ADORA1: variants seen among roughly 807,000 people sequenced by gnomAD.
The protein encoded by ADORA1 is adenosine A1 receptor.
In ADORA1, 6 loss-of-function variants were observed where a neutral mutation model predicts 19.9. The observed-to-expected ratio is 0.30, with a 90% CI of 0.17 to 0.59. The LOEUF is 0.59. Among genes scored for constraint, ADORA1 ranks in the 20% least tolerant of loss-of-function variants. The pLI, the probability that ADORA1 is intolerant of heterozygous loss-of-function variation, is 0.87. For synonymous variants in ADORA1, 194 were observed against 188.4 expected, an observed-to-expected ratio of 1.03 and a Z score of -0.24; for missense variants, 302 against 439.2, an observed-to-expected ratio of 0.69 and a Z score of 2.79.
intron 3 of ADORA1, among the ~76,000 whole-genome samples, chr1:203,162,648 A>G (rs923108339): frequency 6.6e-6 from 1 of 152,152 alleles, no homozygotes; most frequent in African/African-American, 2.4e-5. Flanking sequence ...CAACCTGCCA[A>G]TCATCTGCAT....
chr1:203,163,840 G>A (rs1198891230), intron 3 of ADORA1, among the ~76,000 whole-genome samples: 2 of 152,200 alleles, frequency 1.3e-5, no homozygotes, highest in Admixed American at 6.5e-5. Context: ...GGAGAAAGCC[G>A]CAGATTCTGC....
Position 203,128,781 on chromosome 1 carries a change from A to G in ADORA1, c.-57-4A>G. 6.5e-7 allele frequency: 1 copy of G among 1,538,982 alleles called. No individual in the cohort carries two copies. The highest frequency in any genetic ancestry group is 1.4e-5 in the African/African-American group (1 of 73,640). ...CCCCATCCCAGGCTTCCCTGACCAC[A>G]CAGGTGCTTGCCTCGTGCCCCTTGG... On this transcript the variant is annotated splice_region_variant and splice_polypyrimidine_tract_variant and intron_variant, in intron 2 of 3. Transcript: ENST00000337894. This position sits in a 1 kb window ranked among gnomAD's most constrained non-coding sequence, Gnocchi z 5.9.
chr1:203,164,928 C>A (rs1404821491), intron 3 of ADORA1: 2 of 972,092 alleles, frequency 2.1e-6, no homozygotes, highest in Non-Finnish European at 3.1e-6. Context: ...ATGAGATAAC[C>A]AGTGGGGGCA....
chr1:203,165,792 C>T lies in ADORA1; in HGVS notation c.873C>T (p.Arg291=). 1 of 1,613,510 alleles carries T rather than the reference C, an allele frequency of 6.2e-7. No individual in the cohort carries two copies. Among genetic ancestry groups the T allele is most frequent in the Non-Finnish European group, 8.5e-7 (1 of 1,179,638 alleles). The part of the protein sequence containing the change: ...SAMNPIVYAF[R]IQKFRVTFLK... The stretch of plus-strand genomic sequence containing the variant: ...TGAACCCCATTGTCTATGCCTTCCG[C>T]ATCCAGAAGTTCCGCGTCACCTTCC... The change falls in exon 4 of 4, where the codon CGC becomes CGT. Residue 291 remains arginine (R), a synonymous_variant. Coordinates refer to ENST00000337894, the MANE Select transcript of ADORA1 (RefSeq NM_000674.3). This position sits in a 1 kb window ranked among gnomAD's most constrained non-coding sequence, Gnocchi z 5.9.
intron 3 of ADORA1, among the ~76,000 whole-genome samples, chr1:203,134,937 G>A (rs1051574049): frequency 6.6e-6 from 1 of 152,058 alleles, no homozygotes; most frequent in Non-Finnish European, 1.5e-5. Context: ...TTTTTATGGC[G>A]GTATAATATT....
rs1466113622 is a variant in ADORA1, at chr1:203,128,854, A to G, written c.13A>G (p.Ile5Val). Residue 5 changes from isoleucine (I) to valine (V), a missense_variant, in exon 3 of 4, where the codon ATC (isoleucine) becomes GTC (valine). By Grantham distance (29) the Ile-to-Val change is conservative. Transcript: ENST00000337894. This position sits in a 1 kb window ranked among gnomAD's most constrained non-coding sequence, Gnocchi z 5.9. ...GCCTGTGCCCGCCATGCCGCCCTCC[A>G]TCTCAGCTTTCCAGGCCGCCTACAT... MPPS[I>V]SAFQAAYIGI... is the part of the protein sequence containing the mutation. The G allele has an allele frequency of 1.1e-5, 18 of 1,600,446 alleles. No homozygotes were observed. Among genetic ancestry groups the G allele is most frequent in the Non-Finnish European group, 1.5e-5 (18 of 1,175,256 alleles).
intron 3 of ADORA1, among the ~76,000 whole-genome samples, chr1:203,153,422 CCA>C (rs1571803134): frequency 2.6e-5 from 4 of 152,312 alleles, no homozygotes; most frequent in African/African-American, 9.6e-5. Flanking sequence ...ATTATTTTCC[CCA>C]CCAGGCTGTG....
At chr1:203,162,440 T>C (rs1383889200) in intron 3 of ADORA1, among the ~76,000 whole-genome samples, 3 of 152,050 alleles carry the variant, frequency 2.0e-5, no homozygotes, top group Non-Finnish European at 4.4e-5. Context: ...CTCTCCTGTC[T>C]AGGGCTATCA....
intron 3 of ADORA1, chr1:203,150,507 G>T (rs1044398686): frequency 3.7e-5 from 32 of 863,482 alleles, no homozygotes; most frequent in Non-Finnish European, 4.2e-5. Flanking sequence ...TACCAGGAGG[G>T]TCAATGGAAA....
rs772636209 is a variant in ADORA1, at chr1:203,165,149, T to G, written c.342-112T>G. 7.0e-6 allele frequency: 11 copies of G among 1,575,782 alleles called. No individual in the cohort carries two copies. In the Admixed American group the frequency reaches 2.0e-4, roughly 29 times the overall value. On this transcript the variant is annotated intron_variant, in intron 3 of 3. Coordinates refer to ENST00000337894, the MANE Select transcript of ADORA1 (RefSeq NM_000674.3). This position sits in a 1 kb window ranked among gnomAD's most constrained non-coding sequence, Gnocchi z 5.9. ...ATGCACCTCCCCACTCACCGGGCCCTGGAAGAGGAGGGTGCTCCTCTTAGA... is the reference window on the plus strand; with the variant it reads ...ATGCACCTCCCCACTCACCGGGCCCGGGAAGAGGAGGGTGCTCCTCTTAGA...
rs1655541617 is a variant in ADORA1, at chr1:203,165,976, G to T, written c.*76G>T. ...TCCTCACATGCCCGCTGTCCCAGGG[G>T]TCTCCCTGAGCCTGCCCCAGCTGGG... On this transcript the variant is annotated 3_prime_UTR_variant, in exon 4 of 4. Coordinates refer to ENST00000337894, the MANE Select transcript of ADORA1 (RefSeq NM_000674.3). The surrounding 1 kb of genome is among the most constrained non-coding windows in gnomAD (Gnocchi z 5.9). 2 of 1,479,376 alleles carry T rather than the reference G, an allele frequency of 1.4e-6. No homozygotes were observed. Among genetic ancestry groups the T allele is most frequent in the African/African-American group, 1.4e-5 (1 of 71,130 alleles). 91.6% of individuals were successfully genotyped at this position (1,479,376 alleles called of 1,614,324 possible).
chr1:203,149,742 A>T (rs1194768521), intron 3 of ADORA1, among the ~76,000 whole-genome samples: 2 of 152,214 alleles, frequency 1.3e-5, no homozygotes, highest in Non-Finnish European at 2.9e-5. Context: ...TGTTGAGATG[A>T]GCAAGAAGGC....
chr1:203,154,793 C>A (rs1354193894), intron 3 of ADORA1, among the ~76,000 whole-genome samples: 1 of 152,176 alleles, frequency 6.6e-6, no homozygotes, highest in East Asian at 1.9e-4. Context: ...GGAGAGAAAG[C>A]CAAGGACAGA....
At chr1:203,159,103 T>C (rs774454505) in intron 3 of ADORA1, among the ~76,000 whole-genome samples, 16 of 152,206 alleles carry the variant, frequency 1.1e-4, no homozygotes, top group Admixed American at 2.0e-4. Flanking sequence ...CTTTTGGCCC[T>C]GTTCCTAAAT....
At chr1:203,142,712 A>C (rs887910687) in intron 3 of ADORA1, among the ~76,000 whole-genome samples, 1 of 152,020 alleles carries the variant, frequency 6.6e-6, no homozygotes, top group Non-Finnish European at 1.5e-5. Flanking sequence ...GAGTGTTGAC[A>C]TGACTCTGCT....
Position 203,128,516 on chromosome 1 carries a change from C to A in ADORA1, c.-58+84C>A. 1 of 1,045,724 alleles carries A rather than the reference C, an allele frequency of 9.6e-7. No individual in the cohort carries two copies. Among genetic ancestry groups the A allele is most frequent in the Non-Finnish European group, 1.3e-6 (1 of 782,468 alleles). 64.8% of individuals were successfully genotyped at this position (1,045,724 alleles called of 1,614,324 possible). ...CCCTCTGTGCGTGTGTCTGTGTGTG[C>A]GCGCGCGCTGGGAGCTGCCTCACAC... is the stretch of plus-strand genomic sequence containing the variant. On this transcript the variant is annotated intron_variant, in intron 2 of 3. Coordinates refer to ENST00000337894, the MANE Select transcript of ADORA1 (RefSeq NM_000674.3). The surrounding 1 kb of genome is among the most constrained non-coding windows in gnomAD (Gnocchi z 5.9).
chr1:203,150,408 T>C (rs1654994242), intron 3 of ADORA1, among the ~76,000 whole-genome samples: 1 of 152,236 alleles, frequency 6.6e-6, no homozygotes, highest in African/African-American at 2.4e-5. Flanking sequence ...GGATTGGGCC[T>C]GGCCTGTGGC....
At chr1:203,154,782 A>G (rs1655144085) in intron 3 of ADORA1, among the ~76,000 whole-genome samples, 1 of 152,324 alleles carries the variant, frequency 6.6e-6, no homozygotes, top group Non-Finnish European at 1.5e-5. Flanking sequence ...GGGCAGGGCC[A>G]GGAGAGAAAG....
intron 3 of ADORA1, chr1:203,164,997 C>G: frequency 1.3e-6 from 2 of 1,521,206 alleles, no homozygotes; most frequent in Non-Finnish European, 1.8e-6. Flanking sequence ...CATAAAGGAG[C>G]TCCTCTGTGA....
Sources: allele counts gnomAD v4.1 joint callset (sites outside exome capture counted in the v4.1 genomes callset), GRCh38; gene constraint gnomAD v4.1.1; non-coding constraint Gnocchi (gnomAD v3.1); transcripts MANE v1.5; gene names NCBI Gene and HGNC (gene_info 2026-07-23, HGNC 2026-07-21).